EXOC6B: variants seen among roughly 807,000 people sequenced by gnomAD.
EXOC6B encodes SEC15 homolog B.
EXOC6B carries 54 observed loss-of-function variants against 113.5 expected under a neutral mutation model. That is an observed-to-expected ratio of 0.48 (90% CI 0.38 to 0.60). The LOEUF (loss-of-function observed/expected upper bound fraction) is 0.60, where lower values mean the gene tolerates loss of function less well. Ranked by LOEUF, EXOC6B falls within the 20% of genes least tolerant of loss-of-function variation. The probability of loss-of-function intolerance (pLI) is 0.00; values close to 1 mark genes in which losing one functional copy is unlikely to be tolerated. For synonymous variants in EXOC6B, 357 were observed against 339.0 expected (o/e 1.05, Z -0.58); for missense variants, 797 against 977.5 (o/e 0.82, Z 2.46).
intron 8 of EXOC6B, chr2:72,515,711 C>T (rs1005942191): frequency 1.1e-5 from 11 of 987,846 alleles, no homozygotes; most frequent in Non-Finnish European, 1.1e-5. Flanking sequence ...GAGAAGTGCT[C>T]TACATAATAA....
In EXOC6B at chr2:72,592,537, C is replaced by T. The variant is rs542612982; in HGVS notation, c.670-16869G>A. Among the ~76,000 whole-genome samples the T allele has an allele frequency of 2.6e-5, 4 of 152,238 alleles. No individual in the cohort carries two copies. The South Asian group carries it at 8.3e-4, about 32-fold the overall frequency. On this transcript the variant is annotated intron_variant, in intron 6 of 21. Transcript: ENST00000272427. ...CCCCAGGATCCTAGAATAATACTGT[C>T]CACTGGTGTCTGATCAAAGCAAACG...
intron 1 of EXOC6B, among the ~76,000 whole-genome samples, chr2:72,785,786 C>G (rs1487356252): frequency 1.3e-5 from 2 of 152,264 alleles, no homozygotes; most frequent in African/African-American, 4.8e-5. Context: ...TCCCCATAGT[C>G]TAGGGGATTA....
rs770421410 is a variant in EXOC6B, at chr2:72,762,282, GT to G, written c.114-20814del. Among the ~76,000 whole-genome samples the G allele has an allele frequency of 1.2e-4, 18 of 151,426 alleles. No homozygotes were observed. The East Asian group carries it at 1.9e-3, about 16-fold the overall frequency. On this transcript the variant is annotated intron_variant, in intron 1 of 21. Transcript: ENST00000272427. ...AAGAAAAGAAAAGAAGAAAAAACCT[GT>G]GTATAAAGTAATACATTTAAATCTG...
intron 20 of EXOC6B, among the ~76,000 whole-genome samples, chr2:72,282,180 G>T (rs920419912): frequency 3.3e-5 from 5 of 151,612 alleles, no homozygotes; most frequent in Admixed American, 2.0e-4. Context: ...GCAACAAAAG[G>T]GTAAATAGAT....
intron 1 of EXOC6B, among the ~76,000 whole-genome samples, chr2:72,754,362 A>T (rs150274103): frequency 6.6e-6 from 1 of 152,008 alleles, no homozygotes; most frequent in Non-Finnish European, 1.5e-5. Flanking sequence ...CTACTTGCTG[A>T]TATGAGGCAT....
At chr2:72,521,068 A>G (rs1165586756) in intron 8 of EXOC6B, among the ~76,000 whole-genome samples, 1 of 152,188 alleles carries the variant, frequency 6.6e-6, no homozygotes, top group Non-Finnish European at 1.5e-5. Flanking sequence ...GTAGTAAGAG[A>G]TGCGGCCTTT....
At chr2:72,759,411 C>A (rs1573750156) in intron 1 of EXOC6B, among the ~76,000 whole-genome samples, 2 of 152,154 alleles carry the variant, frequency 1.3e-5, no homozygotes, top group Admixed American at 1.3e-4. Context: ...ATATTGAACT[C>A]AGAGTCATAA....
At chr2:72,799,261 AC>A (rs1417770745) in intron 1 of EXOC6B, among the ~76,000 whole-genome samples, 30 of 148,012 alleles carry the variant, frequency 2.0e-4, no homozygotes, top group African/African-American at 4.5e-4. Flanking sequence ...AAAAAAAAAA[AC>A]AAACATAAAA....
At chr2:72,181,898 T>C (rs1018413310) in intron 21 of EXOC6B, among the ~76,000 whole-genome samples, 1 of 152,200 alleles carries the variant, frequency 6.6e-6, no homozygotes, top group African/African-American at 2.4e-5. Context: ...AATATCCTGT[T>C]CTACTTTATT....
At chr2:72,217,351 T>C (rs1054950501) in intron 20 of EXOC6B, among the ~76,000 whole-genome samples, 1 of 152,052 alleles carries the variant, frequency 6.6e-6, no homozygotes, top group Non-Finnish European at 1.5e-5. Context: ...ATATTCTGAG[T>C]TGGTAGAGCA....
intron 6 of EXOC6B, among the ~76,000 whole-genome samples, chr2:72,696,433 T>G (rs1014714864): frequency 7.9e-5 from 12 of 152,194 alleles, no homozygotes; most frequent in African/African-American, 2.9e-4. Context: ...CAGTAGATCA[T>G]CTCTCCCTGT....
At chr2:72,435,201 T>A (rs1368228954) in intron 18 of EXOC6B, among the ~76,000 whole-genome samples, 1 of 152,224 alleles carries the variant, frequency 6.6e-6, no homozygotes, top group Non-Finnish European at 1.5e-5. Context: ...TCAGTTTCCA[T>A]GCAGTTGTGT....
At chr2:72,781,548 G>A (rs1684035504) in intron 1 of EXOC6B, among the ~76,000 whole-genome samples, 1 of 152,120 alleles carries the variant, frequency 6.6e-6, no homozygotes. Context: ...CTGTTGTAGT[G>A]CAAAAGCCAC....
chr2:72,727,373 A>C (rs1317422354), intron 5 of EXOC6B, among the ~76,000 whole-genome samples: 1 of 152,166 alleles, frequency 6.6e-6, no homozygotes, highest in Non-Finnish European at 1.5e-5. Flanking sequence ...CTACAGAATA[A>C]CTGGCCTGTA....
intron 18 of EXOC6B, among the ~76,000 whole-genome samples, chr2:72,428,013 C>T (rs1695304600): frequency 6.6e-6 from 1 of 152,126 alleles, no homozygotes; most frequent in Non-Finnish European, 1.5e-5. Context: ...AGAGGAGCTA[C>T]CCTCTCCTAG....
intron 11 of EXOC6B, among the ~76,000 whole-genome samples, chr2:72,510,313 A>T (rs1700826867): frequency 6.6e-6 from 1 of 152,080 alleles, no homozygotes. Context: ...CAAATGAGCA[A>T]TACCTAGAAC....
intron 1 of EXOC6B, among the ~76,000 whole-genome samples, chr2:72,759,842 C>A (rs1558979498): frequency 6.6e-6 from 1 of 152,178 alleles, no homozygotes; most frequent in Non-Finnish European, 1.5e-5. Flanking sequence ...CTTCCTTAAG[C>A]CAATATTCAG....
At position 72,574,544 on chromosome 2, in the gene EXOC6B, T is replaced by C. The variant is rs1006753116; in HGVS notation, c.846+948A>G. 3.9e-4 allele frequency among the ~76,000 whole-genome samples: 60 copies of C among 151,930 alleles called. 1 individual carries two copies. Among genetic ancestry groups the C allele is most frequent in the Non-Finnish European group, 8.8e-5 (6 of 67,972 alleles). On this transcript the variant is annotated intron_variant, in intron 7 of 21. Transcript: ENST00000272427. Reference sequence around the variant, plus strand: ...TAGTAAGGGTATAACAGGAGACAAGTATGGGGAAGAAATAGTGAATCCAGT... The same window carrying C: ...TAGTAAGGGTATAACAGGAGACAAGCATGGGGAAGAAATAGTGAATCCAGT...
intron 16 of EXOC6B, among the ~76,000 whole-genome samples, chr2:72,489,936 T>TAAACACTGTGTAACCCCAAAACAGAGC (rs1234782931): frequency 1.3e-4 from 20 of 151,790 alleles, no homozygotes; most frequent in Non-Finnish European, 2.2e-4. Context: ...CAAAACAGAG[T>TAAACACTGTGTAACCCCAAAACAGAGC]AAACACTGTG....
Sources: allele counts gnomAD v4.1 joint callset (sites outside exome capture counted in the v4.1 genomes callset), GRCh38; gene constraint gnomAD v4.1.1; transcripts MANE v1.5; gene names NCBI Gene and HGNC (gene_info 2026-07-23, HGNC 2026-07-21).